SOBP: variants seen among roughly 807,000 people sequenced by gnomAD.
The protein encoded by SOBP is sine oculis binding protein homolog.
SOBP carries 4 observed loss-of-function variants against 53.6 expected under a neutral mutation model. The ratio of observed to expected loss-of-function variants is 0.07; its 90% CI spans 0.04 to 0.17. SOBP has a LOEUF of 0.17. Among genes scored for constraint, SOBP ranks in the 10% least tolerant of loss-of-function variants. The pLI is 1.00. For missense variants in SOBP, 1,088 were observed against 1,204.7 expected, an observed-to-expected ratio of 0.90 and a Z score of 1.43; for synonymous variants, 584 against 522.6, an observed-to-expected ratio of 1.12 and a Z score of -1.60.
chr6:107,620,535 G>A (rs2115118290), intron 5 of SOBP, among the ~76,000 whole-genome samples: 1 of 152,326 alleles, frequency 6.6e-6, no homozygotes, highest in East Asian at 1.9e-4. Flanking sequence ...GCAGGGCCAT[G>A]ACCACAGCAG....
chr6:107,509,882 G>A (rs563849729), intron 3 of SOBP: 3 of 152,324 alleles, frequency 2.0e-5, no homozygotes, highest in East Asian at 3.9e-4. Flanking sequence ...AAAATAAAAT[G>A]TAGGGAAGGA....
At chr6:107,548,360 A>T (rs992003382) in intron 4 of SOBP, among the ~76,000 whole-genome samples, 1 of 149,984 alleles carries the variant, frequency 6.7e-6, no homozygotes, top group Non-Finnish European at 1.5e-5. Context: ...TTCCTGCCTC[A>T]GCCTCCCGAG....
In SOBP at chr6:107,548,049, A is replaced by G. The variant is rs181778900; in HGVS notation, c.573+14439A>G. Among the ~76,000 whole-genome samples the G allele has an allele frequency of 5.3e-5, 8 of 152,274 alleles. No homozygotes were observed. In the East Asian group the frequency reaches 1.2e-3, roughly 22 times the overall value. On this transcript the variant is annotated intron_variant, in intron 4 of 6. Transcript: ENST00000317357. ...ACTTTTTACTTCTAGTTAAAGTGGT[A>G]CCATTGAGAGTTCATTGAGTATGAG...
Position 107,634,998 on chromosome 6 carries a change from G to C in SOBP, c.2154G>C (p.Ala718=), listed in dbSNP as rs1435269208. Residue 718 remains alanine (A), a synonymous_variant, in exon 6 of 7, where the codon GCG becomes GCC. Coordinates refer to ENST00000317357, the MANE Select transcript of SOBP (RefSeq NM_018013.4). The surrounding 1 kb of genome is among the most constrained non-coding windows in gnomAD (Gnocchi z 4.5). ...PGAPAGPEAA[A]ACNVIVNGTR... ...CCCCGGCGGGCCCCGAGGCGGCCGC[G>C]GCCTGCAACGTCATCGTGAACGGCA... 9.0e-7 allele frequency: 1 copy of C among 1,107,126 alleles called. No individual in the cohort carries two copies. Among genetic ancestry groups the C allele is most frequent in the Middle Eastern group, 3.8e-4 (1 of 2,598 alleles). 68.6% of individuals were successfully genotyped at this position (1,107,126 alleles called of 1,614,324 possible).
intron 5 of SOBP, among the ~76,000 whole-genome samples, chr6:107,615,835 A>G (rs1158979205): frequency 6.6e-6 from 1 of 151,876 alleles, no homozygotes; most frequent in Non-Finnish European, 1.5e-5. Flanking sequence ...AGCCTGGGCA[A>G]CAGAGTGAGA....
chr6:107,562,769 G>A (rs1784808376), intron 4 of SOBP, among the ~76,000 whole-genome samples: 1 of 151,830 alleles, frequency 6.6e-6, no homozygotes, highest in African/African-American at 2.4e-5. Flanking sequence ...GTCTCAAAAA[G>A]GAAACTAAAA....
At chr6:107,510,410 A>T (rs990221677) in intron 3 of SOBP, 1 of 152,244 alleles carries the variant, frequency 6.6e-6, no homozygotes, top group African/African-American at 2.4e-5. Flanking sequence ...GCAGGAAAAT[A>T]GTGAGTTTTC....
rs1772209709 is a variant in SOBP at position 107,659,556 on chromosome 6, C to T, written c.*1353C>T. ...CTAAAAAAAAAAAAAATCAAATCAC[C>T]TTGTGATTCAGTGTATCTGTTTACT... On this transcript the variant is annotated 3_prime_UTR_variant, in exon 7 of 7. Coordinates refer to ENST00000317357, the MANE Select transcript of SOBP (RefSeq NM_018013.4). The T allele has an allele frequency of 6.6e-6, 1 of 152,278 alleles. No individual in the cohort carries two copies. Among genetic ancestry groups the T allele is most frequent in the Admixed American group, 6.6e-5 (1 of 15,220 alleles). The allele number at this position is 152,278 out of a possible 1,614,324, so 9.4% of individuals were successfully genotyped here.
At chr6:107,497,403 G>T (rs1005883953) in intron 1 of SOBP, among the ~76,000 whole-genome samples, 2 of 152,072 alleles carry the variant, frequency 1.3e-5, no homozygotes, top group Non-Finnish European at 2.9e-5. Context: ...TGATGTAATT[G>T]TCTATGACTG....
At chr6:107,646,612 C>T (rs1771572707) in intron 6 of SOBP, among the ~76,000 whole-genome samples, 1 of 152,232 alleles carries the variant, frequency 6.6e-6, no homozygotes, top group Non-Finnish European at 1.5e-5. Context: ...GCTCTATATT[C>T]CTTAGACATC....
rs192153770 is a variant in SOBP, at chr6:107,658,526, A to G, written c.*323A>G. On this transcript the variant is annotated 3_prime_UTR_variant, in exon 7 of 7. Coordinates refer to ENST00000317357, the MANE Select transcript of SOBP (RefSeq NM_018013.4). ...AAATACCGACAAGCCACAAGGACCA[A>G]TGTAGGTATTCTCCCCGCCCCATCT... The G allele has an allele frequency of 1.3e-5, 2 of 152,608 alleles. No individual in the cohort carries two copies. The highest frequency in any genetic ancestry group is 2.9e-5 in the Non-Finnish European group (2 of 68,036). The allele number at this position is 152,608 out of a possible 1,614,324, so 9.5% of individuals were successfully genotyped here. A position where few individuals can be genotyped will look rare whatever the true frequency, so the allele number is the denominator to read the frequency against.
chr6:107,531,781 T>A (rs76082930), intron 3 of SOBP, among the ~76,000 whole-genome samples: 4,909 of 152,286 alleles, frequency 0.032, 266 homozygotes, highest in African/African-American at 0.11. Flanking sequence ...GGTCATTTTT[T>A]ATACTATCTC....
chr6:107,579,960 C>A (rs1785352573), intron 4 of SOBP, among the ~76,000 whole-genome samples: 1 of 152,124 alleles, frequency 6.6e-6, no homozygotes, highest in South Asian at 2.1e-4. Flanking sequence ...TTAGGAGGGC[C>A]TTCTCTGGGC....
At chr6:107,613,185 G>A (rs745828111) in intron 5 of SOBP, among the ~76,000 whole-genome samples, 1 of 152,218 alleles carries the variant, frequency 6.6e-6, no homozygotes, top group Admixed American at 6.5e-5. Flanking sequence ...ACGCTAGGTG[G>A]AGGCTGTGTG....
chr6:107,581,790 A>G (rs1371185240), intron 4 of SOBP, among the ~76,000 whole-genome samples: 2 of 152,234 alleles, frequency 1.3e-5, no homozygotes, highest in Non-Finnish European at 1.5e-5. Flanking sequence ...ACAATTAGTT[A>G]TAAAATATAA....
intron 3 of SOBP, 31 bp from the exon 4 acceptor site, chr6:107,533,428 T>C (rs1783900357): frequency 6.2e-7 from 1 of 1,613,138 alleles, no homozygotes; most frequent in Admixed American, 1.7e-5. Context: ...TTGCTTCTGA[T>C]ATGAACATTT....
At chr6:107,630,954 C>T (rs1056010290) in intron 5 of SOBP, among the ~76,000 whole-genome samples, 2 of 151,976 alleles carry the variant, frequency 1.3e-5, no homozygotes, top group Admixed American at 6.6e-5. Context: ...ATGTCAAAAT[C>T]GATGAGATAT....
At chr6:107,631,749 C>T (rs1770723504) in intron 5 of SOBP, among the ~76,000 whole-genome samples, 1 of 152,200 alleles carries the variant, frequency 6.6e-6, no homozygotes, top group Non-Finnish European at 1.5e-5. Context: ...TTCTAATCAT[C>T]AAAGGTAACT....
intron 5 of SOBP, among the ~76,000 whole-genome samples, chr6:107,619,460 A>G (rs553021338): frequency 6.6e-6 from 1 of 152,328 alleles, no homozygotes; most frequent in Admixed American, 6.5e-5. Context: ...AGAAGAGCAT[A>G]GAATATGCAA....
Sources: gnomAD v4.1 joint callset for allele counts (sites outside exome capture counted in the v4.1 genomes callset) on GRCh38, gnomAD v4.1.1 for gene constraint, Gnocchi (gnomAD v3.1) non-coding constraint, MANE v1.5 for transcripts, NCBI Gene and HGNC (gene_info 2026-07-23, HGNC 2026-07-21) for gene names.